Variants in USP34 observed in about 807,000 individuals in gnomAD.
The protein encoded by USP34 is ubiquitin carboxyl-terminal hydrolase 34.
Under a neutral mutation model 460.3 loss-of-function variants are expected in USP34, and 70 were observed. The ratio of observed to expected loss-of-function variants is 0.15; its 90% CI spans 0.13 to 0.19. The LOEUF is 0.19. Ranked by LOEUF, USP34 falls within the 10% of genes least tolerant of loss-of-function variation. The pLI, the probability that USP34 is intolerant of heterozygous loss-of-function variation, is 1.00. For missense variants in USP34, 3,985 were observed against 4,236.2 expected (o/e 0.94, Z 1.65); for synonymous variants, 1,647 against 1,405.3 (o/e 1.17, Z -3.85).
rs373661915 is a variant in USP34 at position 61,422,648 on chromosome 2, G to A, written c.44-1815C>T. Among the ~76,000 whole-genome samples, 54 of 152,254 alleles carry A rather than the reference G, an allele frequency of 3.5e-4. 1 individual carries two copies. The South Asian group carries it at 8.7e-3, about 25-fold the overall frequency. ...AGAGCAATTCAATGAGGAAGAAAAT[G>A]GAAAGAAATCAAGTCACTTCTGTCC... is the stretch of plus-strand genomic sequence containing the variant. On this transcript the variant is annotated intron_variant, in intron 1 of 79. Coordinates refer to ENST00000398571, the MANE Select transcript of USP34 (RefSeq NM_014709.4).
intron 10 of USP34, among the ~76,000 whole-genome samples, chr2:61,365,914 T>C (rs1236255345): frequency 1.4e-5 from 2 of 147,384 alleles, no homozygotes; most frequent in Admixed American, 6.9e-5. Flanking sequence ...AACTTACACA[T>C]TTCTGAAAGA....
intron 5 of USP34, among the ~76,000 whole-genome samples, chr2:61,391,145 C>T (rs1693333315): frequency 6.6e-6 from 1 of 151,820 alleles, no homozygotes; most frequent in Admixed American, 6.6e-5. Context: ...TACCTTGCCT[C>T]AGTAAGAGTG....
chr2:61,266,735 G>A (rs1415351843), intron 41 of USP34, among the ~76,000 whole-genome samples: 1 of 152,042 alleles, frequency 6.6e-6, no homozygotes, highest in Non-Finnish European at 1.5e-5. Flanking sequence ...TGGTACATTG[G>A]TCTGCAGTAT....
At chr2:61,408,380 G>A (rs1354119399) in intron 2 of USP34, among the ~76,000 whole-genome samples, 7 of 151,984 alleles carry the variant, frequency 4.6e-5, no homozygotes, top group Admixed American at 4.6e-4. Context: ...GAGTATTTTT[G>A]TCACACAGAA....
rs767078198 is a variant in USP34, at chr2:61,257,264, T to C, written c.5931A>G (p.Lys1977=). The C allele has an allele frequency of 6.2e-7, 1 of 1,613,202 alleles. No homozygotes were observed. ...DKQPLNTGEQ[K]DMTEFFTDLI... ...GATCAGTAAAAAACTCTGTCATATC[T>C]TTCTGTTCCCCAGTATTCAGAGGCT... Residue 1977 remains lysine, a synonymous_variant, in exon 45 of 80, where the codon AAA becomes AAG. Transcript: ENST00000398571.
At chr2:61,255,752 A>G (rs1284743650) in intron 48 of USP34, among the ~76,000 whole-genome samples, 1 of 152,192 alleles carries the variant, frequency 6.6e-6, no homozygotes, top group African/African-American at 2.4e-5. Flanking sequence ...TAGGATATGA[A>G]TCATCCCTTT....
Position 61,265,324 on chromosome 2 carries a change from G to T in USP34, c.5778+73C>A, listed in dbSNP as rs140931930. On this transcript the variant is annotated intron_variant, in intron 43 of 79. Coordinates refer to ENST00000398571, the MANE Select transcript of USP34 (RefSeq NM_014709.4). ...TATTTTTTCAAACATTTACTACATT[G>T]AAATAAAAATTTATCAACAAAATAT... 6.7e-6 allele frequency: 10 copies of T among 1,483,358 alleles called. No homozygotes were observed. The East Asian group carries it at 2.2e-4, about 33-fold the overall frequency. The allele number at this position is 1,483,358 out of a possible 1,614,324, so 91.9% of individuals were successfully genotyped here.
chr2:61,283,376 A>G (rs1689592644), intron 36 of USP34, 33 bp downstream of exon 36: 1 of 1,586,968 alleles, frequency 6.3e-7, no homozygotes, highest in African/African-American at 1.4e-5. Flanking sequence ...TCAAGTTTTT[A>G]TTTATTAAAA....
In USP34 at chr2:61,214,504, A is replaced by G; in HGVS notation, c.8238T>C (p.Val2746=). ...SRAKLYVDAA[V]HGTTKLVPYF... is the part of the protein sequence containing the mutation. ...AGGGCACTAGCTTTGTAGTGCCATG[A>G]ACAGCAGCATCAACATAAAGTTTGG... The change falls in exon 68 of 80, where the codon GTT becomes GTC. Residue 2746 remains valine, a synonymous_variant. Transcript: ENST00000398571. The G allele has an allele frequency of 6.2e-7, 1 of 1,613,746 alleles. No individual in the cohort carries two copies. Among genetic ancestry groups the G allele is most frequent in the Non-Finnish European group, 8.5e-7 (1 of 1,179,900 alleles).
At chr2:61,232,842 T>TTA (rs150827710) in intron 57 of USP34, among the ~76,000 whole-genome samples, 46 of 100,672 alleles carry the variant, frequency 4.6e-4, no homozygotes, top group South Asian at 2.2e-3. Flanking sequence ...TTCTTATTAA[T>TTA]TATATATATA....
At chr2:61,285,180 C>T (rs959612360) in intron 34 of USP34, among the ~76,000 whole-genome samples, 2 of 151,958 alleles carry the variant, frequency 1.3e-5, no homozygotes, top group Admixed American at 6.6e-5. Flanking sequence ...TTTATAATCA[C>T]ACTTAAGAGC....
At chr2:61,274,389 CAAAT>C (rs1040616745) in intron 41 of USP34, among the ~76,000 whole-genome samples, 2 of 143,624 alleles carry the variant, frequency 1.4e-5, no homozygotes, top group South Asian at 2.2e-4. Context: ...GACTCTGTCT[CAAAT>C]AAATAAATAA....
At chr2:61,282,996 A>G in intron 37 of USP34, 149 bp downstream of exon 37, 1 of 705,284 alleles carries the variant, frequency 1.4e-6, no homozygotes, top group Non-Finnish European at 2.2e-6. Context: ...ACATAGTTCA[A>G]AACACTCTAG....
chr2:61,258,574 C>G (rs922605367), intron 44 of USP34, among the ~76,000 whole-genome samples: 1 of 151,866 alleles, frequency 6.6e-6, no homozygotes, highest in African/African-American at 2.4e-5. Context: ...ATAAATAAAC[C>G]CACAAGCAAT....
chr2:61,328,596 C>T, intron 20 of USP34, among the ~76,000 whole-genome samples: 1 of 152,150 alleles, frequency 6.6e-6, no homozygotes, highest in East Asian at 1.9e-4. Context: ...CCTAGGATGG[C>T]AGCCAACAAG....
At chr2:61,229,462 A>C in intron 59 of USP34, 86 bp downstream of exon 59, 10 of 685,184 alleles carry the variant, frequency 1.5e-5, no homozygotes, top group South Asian at 6.3e-5. Context: ...TCTCTTAAAA[A>C]AAAAAAAAAA....
chr2:61,335,474 C>T (rs899432923), intron 18 of USP34, among the ~76,000 whole-genome samples: 5 of 152,134 alleles, frequency 3.3e-5, no homozygotes, highest in East Asian at 3.9e-4. Flanking sequence ...CAATGGCCAA[C>T]GCATAATGGT....
intron 1 of USP34, among the ~76,000 whole-genome samples, chr2:61,463,133 G>A (rs1381545668): frequency 6.6e-6 from 1 of 152,010 alleles, no homozygotes; most frequent in Admixed American, 6.6e-5. Context: ...AAAAAGCTCT[G>A]GAAACATGTA....
Position 61,194,124 on chromosome 2 carries a change from C to T in USP34, c.9509-1144G>A, listed in dbSNP as rs550130822. ...GTGGGTTAGACCAAGGACTTGAGAA[C>T]ATCCTACACAGGCAAGTCAGGTCAC... On this transcript the variant is annotated intron_variant, in intron 75 of 79. Transcript: ENST00000398571. The T allele has an allele frequency of 2.4e-4, 235 of 985,380 alleles. 2 individuals carry two copies. In the South Asian group the frequency reaches 8.4e-3, roughly 35 times the overall value. The allele number at this position is 985,380 out of a possible 1,614,324, so 61.0% of individuals were successfully genotyped here.
Sources: gnomAD v4.1 joint callset for allele counts (sites outside exome capture counted in the v4.1 genomes callset) on GRCh38, gnomAD v4.1.1 for gene constraint, MANE v1.5 for transcripts, NCBI Gene and HGNC (gene_info 2026-07-23, HGNC 2026-07-21) for gene names.